Variants in TGFBI observed in about 807,000 individuals in gnomAD.
The protein encoded by TGFBI is transforming growth factor-beta-induced protein ig-h3.
In TGFBI, 50 loss-of-function variants were observed where a neutral mutation model predicts 73.7. The observed-to-expected ratio is 0.68, with a 90% CI of 0.54 to 0.86. The LOEUF is 0.86. Among genes scored for constraint, TGFBI ranks in the 40% least tolerant of loss-of-function variants. The pLI, the probability that TGFBI is intolerant of heterozygous loss-of-function variation, is 0.00. For missense variants in TGFBI, 839 were observed against 877.0 expected (o/e 0.96, Z 0.55); for synonymous variants, 362 against 360.5 (o/e 1.00, Z -0.05).
chr5:136,052,144 G>A (rs1476790823), intron 7 of TGFBI, among the ~76,000 whole-genome samples: 5 of 152,264 alleles, frequency 3.3e-5, no homozygotes, highest in Non-Finnish European at 5.9e-5. Flanking sequence ...CCGAGGCAAT[G>A]GAGACCAGCA....
intron 14 of TGFBI, 173 bp downstream of exon 14, chr5:136,061,109 C>A: frequency 1.7e-6 from 1 of 602,854 alleles, no homozygotes; most frequent in Non-Finnish European, 2.9e-6. Context: ...GTTTTGAATG[C>A]ACCACACTAA....
intron 3 of TGFBI, 154 bp from the exon 4 acceptor site, chr5:136,046,181 T>C: frequency 1.3e-6 from 1 of 794,842 alleles, no homozygotes; most frequent in East Asian, 2.7e-5. Flanking sequence ...TAACAAGCCT[T>C]AAGCCCCCCA....
At chr5:136,058,906 C>T (rs1037048079) in intron 12 of TGFBI, 184 bp from the exon 13 acceptor site, 3 of 692,544 alleles carry the variant, frequency 4.3e-6, no homozygotes, top group Non-Finnish European at 6.9e-6. Flanking sequence ...TGTCCTCTGA[C>T]CATTAGACAG....
chr5:136,031,536 G>T (rs1365703845), intron 1 of TGFBI, among the ~76,000 whole-genome samples: 4 of 152,220 alleles, frequency 2.6e-5, no homozygotes, highest in Non-Finnish European at 5.9e-5. Context: ...GCTTAGTGAG[G>T]TAGAGAGTGA....
At chr5:136,046,109 C>T (rs1305180827) in intron 3 of TGFBI, 1 of 460,594 alleles carries the variant, frequency 2.2e-6, no homozygotes, top group Non-Finnish European at 3.8e-6. Context: ...GATTAAAAAT[C>T]ACCAATTAGT....
intron 16 of TGFBI, 64 bp from the exon 17 acceptor site, chr5:136,063,122 C>G: frequency 1.4e-6 from 2 of 1,480,212 alleles, no homozygotes; most frequent in Non-Finnish European, 1.9e-6. Context: ...GAGATTCTGA[C>G]AGTGTCCTAG....
chr5:136,054,659 A>T, intron 9 of TGFBI, 57 bp from the exon 10 acceptor site: 1 of 1,609,230 alleles, frequency 6.2e-7, no homozygotes, highest in Non-Finnish European at 8.5e-7. Flanking sequence ...ATCTCTCATC[A>T]CTCTCTTCAT....
At chr5:136,038,637 C>T (rs933241036) in intron 2 of TGFBI, among the ~76,000 whole-genome samples, 3 of 150,628 alleles carry the variant, frequency 2.0e-5, no homozygotes, top group Non-Finnish European at 4.4e-5. Flanking sequence ...GGGAGAATTG[C>T]TTGAACCCAG....
chr5:136,045,010 T>C (rs898738014), intron 3 of TGFBI: 11 of 152,224 alleles, frequency 7.2e-5, no homozygotes, highest in African/African-American at 2.4e-4. Context: ...TTATCTTTTA[T>C]TGTATTTCAA....
rs752266395 is a variant in TGFBI at position 136,049,560 on chromosome 5, G to A, written c.893G>A (p.Gly298Asp). ...AGTGAGACTTTGAACCGTATCCTGG[G>A]CGACCCAGAAGCCCTGAGAGGTGAG... The part of the protein sequence containing the change: ...IPSETLNRIL[G>D]DPEALRDLLN... The change falls in exon 7 of 17, where the codon GGC becomes GAC. Residue 298 changes from glycine to aspartate, a missense_variant. By Grantham distance (94) the Gly-to-Asp change is moderately conservative. Coordinates refer to ENST00000442011, the MANE Select transcript of TGFBI (RefSeq NM_000358.3). The A allele has an allele frequency of 5.0e-6, 8 of 1,613,686 alleles. No homozygotes were observed. The highest frequency in any genetic ancestry group is 1.1e-5 in the South Asian group (1 of 90,974).
chr5:136,033,008 C>T (rs143273212), intron 1 of TGFBI, among the ~76,000 whole-genome samples: 3 of 152,236 alleles, frequency 2.0e-5, no homozygotes, highest in South Asian at 2.1e-4. Context: ...AAGTTCATTT[C>T]GTGCTCCTTC....
chr5:136,047,804 T>G, intron 6 of TGFBI: 1 of 190,340 alleles, frequency 5.3e-6, no homozygotes, highest in Non-Finnish European at 1.1e-5. Context: ...GTCCCCACCC[T>G]AGGACCCTGG....
rs45608231 is a variant in TGFBI, at chr5:136,037,760, C to A, written c.233+3899C>A. On this transcript the variant is annotated intron_variant, in intron 2 of 16. Transcript: ENST00000442011. ...TTGCCCAGGGGCAAAAATATTAATA[C>A]TCCTTCAGCACTGCATTAATGCTTA... 3.3e-3 allele frequency among the ~76,000 whole-genome samples: 506 copies of A among 152,348 alleles called. 3 individuals are homozygous for A. The highest frequency in any genetic ancestry group is 0.012 in the African/African-American group (485 of 41,582).
chr5:136,052,854 T>G, intron 7 of TGFBI, 53 bp from the exon 8 acceptor site: 125 of 1,561,692 alleles, frequency 8.0e-5, no homozygotes, highest in Non-Finnish European at 1.0e-4. Context: ...AAGTGGTCCC[T>G]GAGGTTATCG....
At position 136,058,492 on chromosome 5, in the gene TGFBI, C is replaced by T. The variant is rs562019169; in HGVS notation, c.1679-598C>T. On this transcript the variant is annotated intron_variant, in intron 12 of 16. Coordinates refer to ENST00000442011, the MANE Select transcript of TGFBI (RefSeq NM_000358.3). ...ATGTGGGCTGAAAGGAATGCTGAGACGTGACGAGGAGAGATGCTGCGGAGG... is the reference window on the plus strand; with the variant it reads ...ATGTGGGCTGAAAGGAATGCTGAGATGTGACGAGGAGAGATGCTGCGGAGG... 5.9e-5 allele frequency among the ~76,000 whole-genome samples: 9 copies of T among 152,296 alleles called. No individual in the cohort carries two copies. The South Asian group carries it at 6.2e-4, about 11-fold the overall frequency.
intron 1 of TGFBI, among the ~76,000 whole-genome samples, chr5:136,031,839 T>A (rs2126901415): frequency 6.6e-6 from 1 of 151,912 alleles, no homozygotes; most frequent in East Asian, 1.9e-4. Flanking sequence ...CCACCCACAC[T>A]CCCCGATGTG....
At chr5:136,061,653 C>T in intron 15 of TGFBI, 74 bp downstream of exon 15, 1 of 1,269,154 alleles carries the variant, frequency 7.9e-7, no homozygotes, top group Non-Finnish European at 1.1e-6. Context: ...AGGAGCCTCT[C>T]CAGCCCCTGT....
At chr5:136,035,638 A>AG (rs199919915) in intron 2 of TGFBI, among the ~76,000 whole-genome samples, 160 of 151,654 alleles carry the variant, frequency 1.1e-3, no homozygotes, top group African/African-American at 3.7e-3. Flanking sequence ...AAAAAAAAAA[A>AG]AAAAAGAAAA....
In TGFBI at chr5:136,062,692, G is replaced by A; in HGVS notation, c.2011+5G>A. ...CCCAGAGGTCTGTGCGACTAGGTGA[G>A]TCTGGTCTGGGTTTGAAGTCATTGC... is the stretch of plus-strand genomic sequence containing the variant. On this transcript the variant is annotated splice_donor_5th_base_variant and intron_variant, in intron 16 of 16. Transcript: ENST00000442011. The A allele has an allele frequency of 6.4e-7, 1 of 1,567,370 alleles. No individual in the cohort carries two copies. Among genetic ancestry groups the A allele is most frequent in the Non-Finnish European group, 8.7e-7 (1 of 1,154,384 alleles).
Sources: gnomAD v4.1 joint callset for allele counts (sites outside exome capture counted in the v4.1 genomes callset) on GRCh38, gnomAD v4.1.1 for gene constraint, MANE v1.5 for transcripts, NCBI Gene and HGNC (gene_info 2026-07-23, HGNC 2026-07-21) for gene names.